Variants in JAKMIP1 observed in about 807,000 individuals in gnomAD.
JAKMIP1 encodes janus kinase and microtubule-interacting protein 1.
JAKMIP1 carries 33 observed loss-of-function variants against 113.0 expected under a neutral mutation model. The ratio of observed to expected loss-of-function variants is 0.29; its 90% CI spans 0.22 to 0.39. JAKMIP1 has a LOEUF of 0.39. JAKMIP1 is among the 10% of genes least tolerant of loss of function. JAKMIP1 has a pLI of 1.00. For synonymous variants in JAKMIP1, 480 were observed against 459.9 expected (o/e 1.04, Z -0.56); for missense variants, 813 against 1,080.5 (o/e 0.75, Z 3.47).
At chr4:6,055,431 CA>C (rs1333170136) in intron 12 of JAKMIP1, among the ~76,000 whole-genome samples, 1 of 152,210 alleles carries the variant, frequency 6.6e-6, no homozygotes, top group Non-Finnish European at 1.5e-5. Flanking sequence ...ACTCGCCAAG[CA>C]GACTCTCCGA....
rs13105098 is a variant in JAKMIP1, at chr4:6,192,526, A to G, written c.-148+7727T>C. 0.074 allele frequency among the ~76,000 whole-genome samples: 11,300 copies of G among 152,236 alleles called. 440 individuals carry two copies. The highest frequency in any genetic ancestry group is 0.089 in the African/African-American group (3,681 of 41,556). On this transcript the variant is annotated intron_variant, in intron 1 of 20. Transcript: ENST00000409021. The surrounding 1 kb of genome is among the most constrained non-coding windows in gnomAD (Gnocchi z 5.0). ...GTCTACATCCAAAACCAACCCCAAG[A>G]GATAGGGACATTCTCTTTATTTCAC...
rs1166042645 is a variant in JAKMIP1, at chr4:6,157,336, A to G, written c.-148+42917T>C. On this transcript the variant is annotated intron_variant, in intron 1 of 20. Coordinates refer to ENST00000409021, the MANE Select transcript of JAKMIP1 (RefSeq NM_001099433.2). This position sits in a 1 kb window ranked among gnomAD's most constrained non-coding sequence, Gnocchi z 4.7. ...CTCCCTCTGCAAAAAGGCGCACGGG[A>G]TGGGAAGCTGGCGCACAACACAGGG... 6.6e-6 allele frequency among the ~76,000 whole-genome samples: 1 copy of G among 152,208 alleles called. No homozygotes were observed. Among genetic ancestry groups the G allele is most frequent in the Admixed American group, 6.5e-5 (1 of 15,278 alleles).
chr4:6,196,938 C>T (rs186339120), intron 1 of JAKMIP1, among the ~76,000 whole-genome samples: 62 of 152,192 alleles, frequency 4.1e-4, no homozygotes, highest in African/African-American at 1.3e-3. Flanking sequence ...GGTCATTTTC[C>T]GTTACAAGGG....
intron 1 of JAKMIP1, among the ~76,000 whole-genome samples, chr4:6,175,248 C>T (rs1725204165): frequency 1.3e-5 from 2 of 152,154 alleles, no homozygotes; most frequent in South Asian, 4.1e-4. Flanking sequence ...CCCAAAGTCA[C>T]AGAACTCCCA....
rs1726516770 is a variant in JAKMIP1 at position 6,185,278 on chromosome 4, A to T, written c.-148+14975T>A. Among the ~76,000 whole-genome samples, 2 of 152,154 alleles carry T rather than the reference A, an allele frequency of 1.3e-5. No homozygotes were observed. The highest frequency in any genetic ancestry group is 4.8e-5 in the African/African-American group (2 of 41,438). The stretch of plus-strand genomic sequence containing the variant: ...CCTCTCGAGAACCCTGACTAATACA[A>T]GTGGGAACCAGCCCTGTCTGCCCTA... On this transcript the variant is annotated intron_variant, in intron 1 of 20. Coordinates refer to ENST00000409021, the MANE Select transcript of JAKMIP1 (RefSeq NM_001099433.2). The surrounding 1 kb of genome is among the most constrained non-coding windows in gnomAD (Gnocchi z 5.3).
intron 12 of JAKMIP1, among the ~76,000 whole-genome samples, chr4:6,055,937 T>C (rs1578107510): frequency 8.8e-6 from 1 of 113,428 alleles, no homozygotes; most frequent in Non-Finnish European, 1.8e-5. Flanking sequence ...TCCCCAGAGG[T>C]CGGGGCAGCT....
chr4:6,106,204 G>A lies in JAKMIP1; in HGVS notation c.130-237C>T, dbSNP rs185027670. Among the ~76,000 whole-genome samples, 688 of 152,352 alleles carry A rather than the reference G, an allele frequency of 4.5e-3. 2 individuals are homozygous for A. Among genetic ancestry groups the A allele is most frequent in the African/African-American group, 6.1e-3 (254 of 41,582 alleles). On this transcript the variant is annotated intron_variant, in intron 2 of 20. Transcript: ENST00000409021. The surrounding 1 kb of genome is among the most constrained non-coding windows in gnomAD (Gnocchi z 5.9). ...CTTTCCCTGGGGGTGGAAACCCCCT[G>A]AGGATGCTGGAGAGGCATTCAAGCC...
chr4:6,078,793 T>C, intron 8 of JAKMIP1, 146 bp downstream of exon 8: 1 of 691,948 alleles, frequency 1.4e-6, no homozygotes, highest in Non-Finnish European at 2.5e-6. Context: ...GAGACGGTGA[T>C]GACAGGCTTT....
intron 3 of JAKMIP1, among the ~76,000 whole-genome samples, chr4:6,090,632 G>C (rs892884775): frequency 6.6e-6 from 1 of 151,814 alleles, no homozygotes; most frequent in African/African-American, 2.4e-5. Flanking sequence ...CCTTAAACTA[G>C]AGTGTCACCG....
chr4:6,054,102 T>C lies in JAKMIP1; in HGVS notation c.1754A>G (p.Gln585Arg). The change falls in exon 13 of 21, where the codon CAA (glutamine) becomes CGA (arginine). Residue 585 changes from glutamine (Q) to arginine (R), a missense_variant. Around this residue, in one of 2 missense-constraint regions of JAKMIP1, gnomAD observed 273 missense variants for 426.6 expected, o/e 0.64. Coordinates refer to ENST00000409021, the MANE Select transcript of JAKMIP1 (RefSeq NM_001099433.2). ...CAGCTCGTTCTGATCCTTGGCGTCT[T>C]GCATTTCATTCTTCAGCTGGTTCTC... Reference protein sequence around the residue: ...MEENQLKNEMQDAKDQNELLE... With the variant: ...MEENQLKNEMRDAKDQNELLE... 1 of 1,614,176 alleles carries C rather than the reference T, an allele frequency of 6.2e-7. No individual in the cohort carries two copies. The highest frequency in any genetic ancestry group is 1.1e-5 in the South Asian group (1 of 91,086).
intron 19 of JAKMIP1, among the ~76,000 whole-genome samples, chr4:6,032,662 CAA>C (rs879512661): frequency 0.17 from 2,838 of 17,126 alleles, 32 homozygotes; most frequent in African/African-American, 0.34. Flanking sequence ...CAACACAACA[CAA>C]AACAAAACAA....
At chr4:6,126,059 G>A (rs770741920) in intron 1 of JAKMIP1, among the ~76,000 whole-genome samples, 1,005 of 79,662 alleles carry the variant, frequency 0.013, 11 homozygotes, top group Non-Finnish European at 0.017. Flanking sequence ...AACACGCACC[G>A]TGCAGAAACA....
At chr4:6,145,205 T>C (rs1413126668) in intron 1 of JAKMIP1, among the ~76,000 whole-genome samples, 6 of 152,206 alleles carry the variant, frequency 3.9e-5, no homozygotes, top group Admixed American at 3.9e-4. Flanking sequence ...ACAGCCAGTA[T>C]GCACAGGCAC....
At chr4:6,196,859 CAAA>C (rs68110058) in intron 1 of JAKMIP1, among the ~76,000 whole-genome samples, 99 of 136,094 alleles carry the variant, frequency 7.3e-4, no homozygotes, top group Non-Finnish European at 3.0e-4. Flanking sequence ...GAAACTCTGT[CAAA>C]AAAAAAAAAA....
rs1431790967 is a variant in JAKMIP1 at position 6,176,568 on chromosome 4, T to C, written c.-148+23685A>G. 6.6e-6 allele frequency among the ~76,000 whole-genome samples: 1 copy of C among 152,108 alleles called. No individual in the cohort carries two copies. The highest frequency in any genetic ancestry group is 2.4e-5 in the African/African-American group (1 of 41,398). On this transcript the variant is annotated intron_variant, in intron 1 of 20. Transcript: ENST00000409021. This position sits in a 1 kb window ranked among gnomAD's most constrained non-coding sequence, Gnocchi z 5.5. ...CCACATCACCCGGACACACTCAGAA[T>C]GGGGCAATGGGGTCAGGGAATTAAG...
chr4:6,070,314 T>G, intron 8 of JAKMIP1: 1 of 384,076 alleles, frequency 2.6e-6, no homozygotes, highest in Non-Finnish European at 4.6e-6. Flanking sequence ...ACACCCGCCC[T>G]AGCAACTCCA....
chr4:6,135,756 T>C lies in JAKMIP1; in HGVS notation c.-147-22759A>G, dbSNP rs1719142091. On this transcript the variant is annotated intron_variant, in intron 1 of 20. Transcript: ENST00000409021. This position sits in a 1 kb window ranked among gnomAD's most constrained non-coding sequence, Gnocchi z 4.9. Reference sequence around the variant, plus strand: ...CCAGCCTGGACTTGAACCCAAGCCTTCTAAGGCCCATCCCACTGGTTCTTC... The same window carrying C: ...CCAGCCTGGACTTGAACCCAAGCCTCCTAAGGCCCATCCCACTGGTTCTTC... Among the ~76,000 whole-genome samples the C allele has an allele frequency of 6.6e-6, 1 of 152,074 alleles. No individual in the cohort carries two copies. Among genetic ancestry groups the C allele is most frequent in the Non-Finnish European group, 1.5e-5 (1 of 68,004 alleles).
In JAKMIP1 at chr4:6,162,472, C is replaced by A. The variant is rs949172519; in HGVS notation, c.-148+37781G>T. Among the ~76,000 whole-genome samples, 2 of 152,272 alleles carry A rather than the reference C, an allele frequency of 1.3e-5. No individual in the cohort carries two copies. The highest frequency in any genetic ancestry group is 4.1e-4 in the South Asian group (2 of 4,826). ...GTGACAGGGGCAGATGGAGCCAGGG[C>A]CCTTGGTCCCTTCTACACAATCCAG... On this transcript the variant is annotated intron_variant, in intron 1 of 20. Coordinates refer to ENST00000409021, the MANE Select transcript of JAKMIP1 (RefSeq NM_001099433.2). The surrounding 1 kb of genome is among the most constrained non-coding windows in gnomAD (Gnocchi z 5.6).
At chr4:6,075,387 C>G (rs1427522608) in intron 8 of JAKMIP1, among the ~76,000 whole-genome samples, 6 of 152,194 alleles carry the variant, frequency 3.9e-5, no homozygotes, top group Non-Finnish European at 8.8e-5. Flanking sequence ...ACAAAACCTG[C>G]TTGGGCCCCG....
Sources: allele counts gnomAD v4.1 joint callset (sites outside exome capture counted in the v4.1 genomes callset), GRCh38; gene constraint gnomAD v4.1.1; regional missense constraint gnomAD v4.1.1; non-coding constraint Gnocchi (gnomAD v3.1); transcripts MANE v1.5; gene names NCBI Gene and HGNC (gene_info 2026-07-23, HGNC 2026-07-21).